Variants in SYNE1 observed in about 807,000 individuals in gnomAD.
SYNE1 encodes the protein spectrin repeat containing nuclear envelope protein 1.
Under a neutral mutation model 1,111.0 loss-of-function variants are expected in SYNE1, and 616 were observed. The ratio of observed to expected loss-of-function variants is 0.55; its 90% CI spans 0.52 to 0.59. The LOEUF (loss-of-function observed/expected upper bound fraction) is 0.59. Ranked by LOEUF, SYNE1 falls within the 20% of genes least tolerant of loss-of-function variation. The pLI, the probability that SYNE1 is intolerant of heterozygous loss-of-function variation, is 0.00. For synonymous variants in SYNE1, 3,855 were observed against 3,825.8 expected (o/e 1.01, Z -0.28); for missense variants, 10,006 against 10,417.0 (o/e 0.96, Z 1.72).
chr6:152,235,989 C>T (rs768689138), intron 110 of SYNE1, 118 bp downstream of exon 110: 59 of 1,136,486 alleles, frequency 5.2e-5, no homozygotes, highest in Middle Eastern at 2.7e-4. Context: ...GCAGTCCTCC[C>T]GTATTGGCCA....
At chr6:152,492,753 G>A (rs1328086770) in intron 11 of SYNE1, among the ~76,000 whole-genome samples, 1 of 152,174 alleles carries the variant, frequency 6.6e-6, no homozygotes, top group African/African-American at 2.4e-5. Context: ...CTCTTAGAGT[G>A]GAGTGTAAGT....
chr6:152,418,338 G>A (rs1017734163), intron 40 of SYNE1, among the ~76,000 whole-genome samples: 1 of 152,152 alleles, frequency 6.6e-6, no homozygotes, highest in African/African-American at 2.4e-5. Flanking sequence ...GGATGGTAGA[G>A]CCTAAATTCA....
chr6:152,605,010 G>GAAAGAA (rs1565140105), intron 3 of SYNE1, among the ~76,000 whole-genome samples: 7 of 35,370 alleles, frequency 2.0e-4, no homozygotes, highest in East Asian at 9.5e-4. Context: ...GAAAGAAAGA[G>GAAAGAA]AGAGAGAGAG....
At chr6:152,150,118 C>A (rs1416345674) in intron 135 of SYNE1, among the ~76,000 whole-genome samples, 2 of 152,154 alleles carry the variant, frequency 1.3e-5, no homozygotes, top group Non-Finnish European at 2.9e-5. Flanking sequence ...CTAAGAGAAG[C>A]CATCCAATGC....
chr6:152,159,371 T>C (rs533749426), intron 131 of SYNE1, among the ~76,000 whole-genome samples: 1 of 152,314 alleles, frequency 6.6e-6, no homozygotes, highest in South Asian at 2.1e-4. Flanking sequence ...CATGGGAATG[T>C]AGTGAGGCCA....
chr6:152,489,574 A>G (rs549683790), intron 11 of SYNE1, among the ~76,000 whole-genome samples: 4 of 150,882 alleles, frequency 2.7e-5, no homozygotes, highest in African/African-American at 4.9e-5. Flanking sequence ...GAGGTAATCT[A>G]TGTAGCATGT....
At chr6:152,508,032 G>T (rs2099067243) in intron 8 of SYNE1, among the ~76,000 whole-genome samples, 1 of 152,054 alleles carries the variant, frequency 6.6e-6, no homozygotes, top group African/African-American at 2.4e-5. Flanking sequence ...TTCCAAACTA[G>T]AGTCCCACGA....
At chr6:152,482,984 A>T in intron 14 of SYNE1, 101 bp downstream of exon 14, 1 of 1,314,960 alleles carries the variant, frequency 7.6e-7, no homozygotes, top group Non-Finnish European at 1.1e-6. Context: ...ATGTAGAATT[A>T]ATATTTGGGG....
Position 152,189,615 on chromosome 6 carries a change from A to G in SYNE1, c.23146-208T>C, listed in dbSNP as rs2813523. 0.4 allele frequency among the ~76,000 whole-genome samples: 60,754 copies of G among 152,028 alleles called. 12,386 individuals carry two copies. The highest frequency in any genetic ancestry group is 0.49 in the African/African-American group (20,464 of 41,448). On this transcript the variant is annotated intron_variant, in intron 127 of 145. Transcript: ENST00000367255. ...ATATATCACAATAAAGTGAGTCACA[A>G]ATTTTTTGGTTTCTCAGTGCATATA...
At chr6:152,349,121 T>C (rs1243570321) in intron 72 of SYNE1, among the ~76,000 whole-genome samples, 1 of 152,272 alleles carries the variant, frequency 6.6e-6, no homozygotes, top group Non-Finnish European at 1.5e-5. Flanking sequence ...TAAGACGCAC[T>C]GTCAGACACT....
At chr6:152,315,727 C>G (rs1427729198) in intron 87 of SYNE1, 1 of 152,112 alleles carries the variant, frequency 6.6e-6, no homozygotes, top group Non-Finnish European at 1.5e-5. Flanking sequence ...GTTTTCAAAT[C>G]AGTGGTAACT....
At position 152,220,847 on chromosome 6, in the gene SYNE1, A is replaced by C; in HGVS notation, c.21856T>G (p.Cys7286Gly). 6.2e-7 allele frequency: 1 copy of C among 1,613,652 alleles called. No individual in the cohort carries two copies. The highest frequency in any genetic ancestry group is 8.5e-7 in the Non-Finnish European group (1 of 1,179,886). Reference protein sequence around the residue: ...DDEVATWIQDCNDLLKGLGTV... With the variant: ...DDEVATWIQDGNDLLKGLGTV... The stretch of plus-strand genomic sequence containing the variant: ...AAGGTAGCTCCTGAACATACGTTGC[A>C]ATCTTGAATCCATGTGGCAACCTCA... Residue 7286 changes from cysteine to glycine, a missense_variant, in exon 119 of 146, where the codon TGC becomes GGC. Around this residue, in one of 7 missense-constraint regions of SYNE1, gnomAD observed 2,182 missense variants for 2,287.8 expected, o/e 0.95. Transcript: ENST00000367255.
chr6:152,199,860 A>G (rs1257711598), intron 127 of SYNE1, among the ~76,000 whole-genome samples: 1 of 152,182 alleles, frequency 6.6e-6, no homozygotes, highest in Non-Finnish European at 1.5e-5. Flanking sequence ...ACGAAAATAC[A>G]TTTTTTAAAT....
intron 137 of SYNE1, chr6:152,144,184 G>T: frequency 6.9e-6 from 2 of 290,208 alleles, no homozygotes; most frequent in South Asian, 6.9e-5. Flanking sequence ...AGCAGGGGAA[G>T]ATCCTCCCTC....
chr6:152,624,907 G>A (rs1400348505), intron 3 of SYNE1, among the ~76,000 whole-genome samples: 1 of 151,396 alleles, frequency 6.6e-6, no homozygotes, highest in East Asian at 1.9e-4. Context: ...AAATAAGCAA[G>A]GGAGTAGTGC....
chr6:152,395,309 C>G (rs949264758), intron 51 of SYNE1, among the ~76,000 whole-genome samples: 56 of 152,292 alleles, frequency 3.7e-4, no homozygotes, highest in African/African-American at 1.3e-3. Flanking sequence ...TGCAGATGAG[C>G]TTCTTACTTC....
chr6:152,557,717 A>C (rs1218822393), intron 3 of SYNE1, among the ~76,000 whole-genome samples: 4 of 152,182 alleles, frequency 2.6e-5, no homozygotes, highest in African/African-American at 9.7e-5. Context: ...TATCCAGAAA[A>C]GCTGTCTTTA....
chr6:152,586,446 T>G (rs1012194694), intron 3 of SYNE1, among the ~76,000 whole-genome samples: 4 of 152,194 alleles, frequency 2.6e-5, no homozygotes, highest in Non-Finnish European at 5.9e-5. Context: ...TCTCTTGCTG[T>G]TTTTTAACAG....
rs1374881204 is a variant in SYNE1 at position 152,404,299 on chromosome 6, T to G, written c.6739A>C (p.Lys2247Gln). 1 of 1,611,950 alleles carries G rather than the reference T, an allele frequency of 6.2e-7. No homozygotes were observed. The highest frequency in any genetic ancestry group is 8.5e-7 in the Non-Finnish European group (1 of 1,179,132). Residue 2247 changes from lysine to glutamine, a missense_variant, in exon 46 of 146, where the codon AAA becomes CAA. By Grantham distance (53) the Lys-to-Gln change is moderately conservative. Transcript: ENST00000367255. ...TGCAGTTCTTCCAATCTCAATGCTT[T>G]GTTTTTAACTTCAGACTGCCAAAAG... ...LKEFESEVKN[K>Q]ALRLEELHSK...
Sources: gnomAD v4.1 joint callset for allele counts (sites outside exome capture counted in the v4.1 genomes callset) on GRCh38, gnomAD v4.1.1 for gene constraint, gnomAD v4.1.1 regional missense constraint, MANE v1.5 for transcripts, NCBI Gene and HGNC (gene_info 2026-07-23, HGNC 2026-07-21) for gene names.